The following PRKN variants were observed in gnomAD, a reference collection of about 807,000 sequenced individuals.
The protein encoded by PRKN is E3 ubiquitin-protein ligase parkin.
A neutral mutation model predicts 59.5 loss-of-function variants in PRKN; 56 were observed. The observed-to-expected ratio is 0.94, with a 90% confidence interval of 0.76 to 1.18. The LOEUF (loss-of-function observed/expected upper bound fraction) is 1.18. Ranked by LOEUF, PRKN falls within the 50% of genes most tolerant of loss-of-function variation. PRKN has a pLI of 0.00. For missense variants in PRKN, 657 were observed against 596.4 expected (o/e 1.10, Z -1.06); for synonymous variants, 250 against 222.1 (o/e 1.13, Z -1.12).
In PRKN at chr6:162,056,128, G is replaced by A. The variant is rs545729061; in HGVS notation, c.535-1954C>T. Among the ~76,000 whole-genome samples, 4 of 146,042 alleles carry A rather than the reference G, an allele frequency of 2.7e-5. No homozygotes were observed. Among genetic ancestry groups the A allele is most frequent in the African/African-American group, 5.1e-5 (2 of 39,108 alleles). On this transcript the variant is annotated intron_variant, in intron 4 of 11. Transcript: ENST00000366898. The surrounding 1 kb of genome is among the most constrained non-coding windows in gnomAD (Gnocchi z 4.9). ...CACACATATACCCACATGCATGCAC[G>A]CACACCAAGACACACCACACACGCA...
At chr6:162,580,440 G>GA (rs56059992) in intron 1 of PRKN, among the ~76,000 whole-genome samples, 388 of 120,536 alleles carry the variant, frequency 3.2e-3, no homozygotes, top group African/African-American at 6.5e-3. Context: ...CCCTGTCTCA[G>GA]AAAAAAAAAA....
intron 3 of PRKN, among the ~76,000 whole-genome samples, chr6:162,245,668 A>C (rs895173701): frequency 2.0e-5 from 3 of 152,128 alleles, no homozygotes; most frequent in Admixed American, 6.6e-5. Flanking sequence ...AGTCAGACAG[A>C]TCTTGAAATC....
At position 161,917,449 on chromosome 6, in the gene PRKN, TTCTC is replaced by T. The variant is rs368739004; in HGVS notation, c.734+55849_734+55852del. On this transcript the variant is annotated intron_variant, in intron 6 of 11. Transcript: ENST00000366898. ...TCAAATTTCTGCCATATATTTTGGA[TTCTC>T]TCTTTAAAAAAAAATCTGTAACATT... 1.1e-3 allele frequency among the ~76,000 whole-genome samples: 173 copies of T among 152,284 alleles called. 1 individual carries two copies. The highest frequency in any genetic ancestry group is 3.9e-3 in the African/African-American group (164 of 41,564).
At chr6:161,654,018 G>A (rs1253439829) in intron 7 of PRKN, among the ~76,000 whole-genome samples, 1 of 151,552 alleles carries the variant, frequency 6.6e-6, no homozygotes, top group Non-Finnish European at 1.5e-5. Flanking sequence ...TTTTTTTAAA[G>A]ATGGGGATCT....
chr6:161,386,606 A>G lies in PRKN; in HGVS notation c.1167+188T>C, dbSNP rs948582047. Among the ~76,000 whole-genome samples the G allele has an allele frequency of 6.6e-6, 1 of 152,176 alleles. No individual in the cohort carries two copies. The highest frequency in any genetic ancestry group is 2.4e-5 in the African/African-American group (1 of 41,442). ...GGACATGCCCCAAGTGGCCACTGGG[A>G]AGTCTACACTGTGCCCCAAGGAGGG... is the stretch of plus-strand genomic sequence containing the variant. On this transcript the variant is annotated intron_variant, in intron 10 of 11. Coordinates refer to ENST00000366898, the MANE Select transcript of PRKN (RefSeq NM_004562.3). The surrounding 1 kb of genome is among the most constrained non-coding windows in gnomAD (Gnocchi z 4.3).
intron 2 of PRKN, among the ~76,000 whole-genome samples, chr6:162,375,275 A>G (rs1428972032): frequency 2.0e-5 from 3 of 152,080 alleles, no homozygotes; most frequent in African/African-American, 7.2e-5. Flanking sequence ...AACACCTTCA[A>G]GTGTGAGCCA....
At chr6:161,572,080 T>C (rs190695260) in intron 7 of PRKN, among the ~76,000 whole-genome samples, 112 of 152,278 alleles carry the variant, frequency 7.4e-4, no homozygotes, top group Admixed American at 3.1e-3. Context: ...GCCATAATTG[T>C]GTGAGCCCTT....
chr6:161,817,175 C>T (rs1007158007), intron 6 of PRKN, among the ~76,000 whole-genome samples: 34 of 152,176 alleles, frequency 2.2e-4, no homozygotes, highest in African/African-American at 8.0e-4. Flanking sequence ...GCCCCCATCA[C>T]TATAGCTTCT....
chr6:161,941,773 T>A (rs960787213), intron 6 of PRKN, among the ~76,000 whole-genome samples: 2 of 152,030 alleles, frequency 1.3e-5, no homozygotes, highest in Non-Finnish European at 2.9e-5. Flanking sequence ...CACGCCCCCA[T>A]GACATGCCCT....
At chr6:161,441,689 G>A (rs887618680) in intron 9 of PRKN, among the ~76,000 whole-genome samples, 1 of 150,752 alleles carries the variant, frequency 6.6e-6, no homozygotes, top group African/African-American at 2.5e-5. Context: ...AGGATCTGGG[G>A]TCCTGAGAGC....
intron 2 of PRKN, among the ~76,000 whole-genome samples, chr6:162,372,378 G>A (rs572983767): frequency 3.3e-5 from 5 of 152,230 alleles, no homozygotes; most frequent in South Asian, 4.1e-4. Context: ...TCATTTACAC[G>A]CTGTGCTCCA....
intron 1 of PRKN, among the ~76,000 whole-genome samples, chr6:162,486,797 T>C (rs1583655505): frequency 6.6e-6 from 1 of 152,052 alleles, no homozygotes; most frequent in East Asian, 1.9e-4. Context: ...TGGCCAGGCG[T>C]GGTGGCTCAT....
chr6:161,957,409 G>GTTGTTTTTTTTTTTTTTTTTTTTT (rs1562418017), intron 6 of PRKN, among the ~76,000 whole-genome samples: 2 of 127,394 alleles, frequency 1.6e-5, no homozygotes, highest in African/African-American at 3.1e-5. Flanking sequence ...TGTTCTTGTT[G>GTTGTTTTTTTTTTTTTTTTTTTTT]TTTTTTTTTT....
At position 161,359,369 on chromosome 6, in the gene PRKN, C is replaced by T. The variant is rs1019717012; in HGVS notation, c.1285+719G>A. Reference sequence around the variant, plus strand: ...ATCCTGGGATGGCCGGGCTTCCCTCCCGCAAGTCAGCTCTGGGCAACCTGC... The same window carrying T: ...ATCCTGGGATGGCCGGGCTTCCCTCTCGCAAGTCAGCTCTGGGCAACCTGC... On this transcript the variant is annotated intron_variant, in intron 11 of 11. Coordinates refer to ENST00000366898, the MANE Select transcript of PRKN (RefSeq NM_004562.3). This position sits in a 1 kb window ranked among gnomAD's most constrained non-coding sequence, Gnocchi z 5.4. Among the ~76,000 whole-genome samples the T allele has an allele frequency of 6.6e-6, 1 of 152,204 alleles. No homozygotes were observed. The highest frequency in any genetic ancestry group is 1.5e-5 in the Non-Finnish European group (1 of 68,038).
intron 1 of PRKN, among the ~76,000 whole-genome samples, chr6:162,683,085 G>T (rs1014264304): frequency 6.6e-6 from 1 of 152,004 alleles, no homozygotes; most frequent in Non-Finnish European, 1.5e-5. Flanking sequence ...TAATGAACAC[G>T]CATTATTATG....
intron 4 of PRKN, among the ~76,000 whole-genome samples, chr6:162,084,377 A>T (rs1779173011): frequency 6.6e-6 from 1 of 152,154 alleles, no homozygotes; most frequent in South Asian, 2.1e-4. Flanking sequence ...GCCCGTGAAG[A>T]CGCTGCCTCC....
In PRKN at chr6:161,355,845, A is replaced by T. The variant is rs1033528465; in HGVS notation, c.1285+4243T>A. Among the ~76,000 whole-genome samples, 1 of 152,222 alleles carries T rather than the reference A, an allele frequency of 6.6e-6. No homozygotes were observed. The highest frequency in any genetic ancestry group is 1.5e-5 in the Non-Finnish European group (1 of 68,044). ...TGGGGAACATGTAAATGAACAAATT[A>T]AGCAATGATCTGGGAAGGAAGTGGT... is the stretch of plus-strand genomic sequence containing the variant. On this transcript the variant is annotated intron_variant, in intron 11 of 11. Coordinates refer to ENST00000366898, the MANE Select transcript of PRKN (RefSeq NM_004562.3). This position sits in a 1 kb window ranked among gnomAD's most constrained non-coding sequence, Gnocchi z 6.8.
intron 7 of PRKN, among the ~76,000 whole-genome samples, chr6:161,698,894 C>T (rs906332898): frequency 2.6e-5 from 4 of 152,104 alleles, no homozygotes; most frequent in Non-Finnish European, 2.9e-5. Context: ...AACTGACAAA[C>T]TGGACTTCAT....
chr6:161,963,112 C>T lies in PRKN; in HGVS notation c.734+10190G>A, dbSNP rs1473061224. 2.6e-5 allele frequency among the ~76,000 whole-genome samples: 4 copies of T among 152,152 alleles called. No homozygotes were observed. In the East Asian group the frequency reaches 5.8e-4, roughly 22 times the overall value. On this transcript the variant is annotated intron_variant, in intron 6 of 11. Coordinates refer to ENST00000366898, the MANE Select transcript of PRKN (RefSeq NM_004562.3). The stretch of plus-strand genomic sequence containing the variant: ...GAGCCAAGATTGAGCCATTGCACCC[C>T]AGCCTGGGTGACAAGAGCGAAATTC...
Sources: allele counts gnomAD v4.1 joint callset (sites outside exome capture counted in the v4.1 genomes callset), GRCh38; gene constraint gnomAD v4.1.1; non-coding constraint Gnocchi (gnomAD v3.1); transcripts MANE v1.5; gene names NCBI Gene and HGNC (gene_info 2026-07-23, HGNC 2026-07-21).